The following GAP43 variants were observed in gnomAD, a reference collection of about 807,000 sequenced individuals.
GAP43 encodes growth associated protein 43.
Under a neutral mutation model 18.6 loss-of-function variants are expected in GAP43, and 6 were observed. The observed-to-expected ratio is 0.32, with a 90% CI of 0.18 to 0.64. GAP43 has a LOEUF of 0.64. Ranked by LOEUF, GAP43 falls within the 30% of genes least tolerant of loss-of-function variation. The pLI is 0.78. For missense variants in GAP43, 292 were observed against 295.5 expected, an observed-to-expected ratio of 0.99 and a Z score of 0.09; for synonymous variants, 115 against 111.4, an observed-to-expected ratio of 1.03 and a Z score of -0.20.
chr3:115,651,322 A>G (rs1361937995), intron 1 of GAP43, among the ~76,000 whole-genome samples: 1 of 152,156 alleles, frequency 6.6e-6, no homozygotes, highest in Non-Finnish European at 1.5e-5. Context: ...ACACACACAC[A>G]TCCATGCACA....
intron 1 of GAP43, among the ~76,000 whole-genome samples, chr3:115,624,570 A>T (rs2107461658): frequency 6.6e-6 from 1 of 152,222 alleles, no homozygotes; most frequent in East Asian, 1.9e-4. Flanking sequence ...CCTGGATAAT[A>T]AGTATGGTGA....
intron 1 of GAP43, among the ~76,000 whole-genome samples, chr3:115,657,438 A>G (rs575013602): frequency 1.3e-5 from 2 of 152,284 alleles, no homozygotes; most frequent in East Asian, 1.9e-4. Context: ...GGAGAAGACT[A>G]TCTTTCACTT....
chr3:115,716,969 T>C (rs1489265830), intron 2 of GAP43, among the ~76,000 whole-genome samples: 1 of 151,820 alleles, frequency 6.6e-6, no homozygotes, highest in African/African-American at 2.4e-5. Context: ...CAGTGCCGAA[T>C]TGCTAAAATG....
rs201553710 is a variant in GAP43 at position 115,676,040 on chromosome 3, A to T, written c.58A>T (p.Ile20Phe). 1.5e-5 allele frequency: 24 copies of T among 1,606,434 alleles called. No homozygotes were observed. In the African/African-American group the frequency reaches 3.1e-4, roughly 21 times the overall value. Residue 20 changes from isoleucine (I) to phenylalanine (F), a missense_variant, in exon 2 of 3, where the codon ATT (isoleucine) becomes TTT (phenylalanine). Transcript: ENST00000305124. ...QVEKNDDDQKIEQDGIKPEDK... is the reference protein window; with the variant it reads ...QVEKNDDDQKFEQDGIKPEDK... Reference sequence around the variant, plus strand: ...TGAAAAAAATGATGACGACCAAAAGATTGAACAAGATGGTATCAAACCAGA... The same window carrying T: ...TGAAAAAAATGATGACGACCAAAAGTTTGAACAAGATGGTATCAAACCAGA...
intron 1 of GAP43, among the ~76,000 whole-genome samples, chr3:115,654,654 A>G (rs1708559010): frequency 6.6e-6 from 1 of 152,188 alleles, no homozygotes; most frequent in African/African-American, 2.4e-5. Flanking sequence ...AATTACTCAA[A>G]TTGCTTGAGA....
chr3:115,669,719 G>T (rs1230175859), intron 1 of GAP43, among the ~76,000 whole-genome samples: 1 of 152,134 alleles, frequency 6.6e-6, no homozygotes, highest in African/African-American at 2.4e-5. Flanking sequence ...CAGGTGGGCT[G>T]TACATGTTGA....
At chr3:115,630,293 G>T (rs935693965) in intron 1 of GAP43, among the ~76,000 whole-genome samples, 3 of 152,058 alleles carry the variant, frequency 2.0e-5, no homozygotes, top group Non-Finnish European at 2.9e-5. Context: ...ACCTTCATTT[G>T]GATTTCTTTT....
chr3:115,638,021 A>G (rs542381516), intron 1 of GAP43, among the ~76,000 whole-genome samples: 6 of 152,170 alleles, frequency 3.9e-5, no homozygotes, highest in Admixed American at 2.6e-4. Context: ...AATAAACAAA[A>G]GAAAGAAATA....
intron 2 of GAP43, among the ~76,000 whole-genome samples, chr3:115,699,525 A>C (rs1215832107): frequency 6.6e-6 from 1 of 152,154 alleles, no homozygotes; most frequent in Non-Finnish European, 1.5e-5. Context: ...AGCTTCTATC[A>C]AACACCCCCT....
At chr3:115,654,987 A>G (rs1708562600) in intron 1 of GAP43, among the ~76,000 whole-genome samples, 1 of 152,224 alleles carries the variant, frequency 6.6e-6, no homozygotes, top group African/African-American at 2.4e-5. Flanking sequence ...ATGGTTTGGT[A>G]TATTTAAAAA....
intron 1 of GAP43, among the ~76,000 whole-genome samples, chr3:115,654,599 A>C (rs973337657): frequency 2.0e-5 from 3 of 152,240 alleles, no homozygotes; most frequent in Non-Finnish European, 4.4e-5. Flanking sequence ...GAATCCTGCC[A>C]AACGTTGGCT....
At chr3:115,641,161 G>A (rs1487880594) in intron 1 of GAP43, among the ~76,000 whole-genome samples, 1 of 149,992 alleles carries the variant, frequency 6.7e-6, no homozygotes, top group East Asian at 2.0e-4. Flanking sequence ...TACCACACCT[G>A]GCCCTGAAAT....
At chr3:115,716,513 T>C (rs1482892046) in intron 2 of GAP43, among the ~76,000 whole-genome samples, 4 of 151,698 alleles carry the variant, frequency 2.6e-5, no homozygotes, top group Non-Finnish European at 5.9e-5. Context: ...GAAGCTGTAA[T>C]AGATTGTTTC....
chr3:115,633,040 C>G (rs1334489568), intron 1 of GAP43, among the ~76,000 whole-genome samples: 2 of 151,650 alleles, frequency 1.3e-5, no homozygotes, highest in African/African-American at 4.8e-5. Context: ...AAGCAGCGAT[C>G]ATATGAAATT....
At chr3:115,713,040 C>T (rs2918209) in intron 2 of GAP43, among the ~76,000 whole-genome samples, 82,814 of 151,968 alleles carry the variant, frequency 0.54, 23,255 homozygotes, top group East Asian at 0.73. Context: ...GGTAATGAAA[C>T]GAGCAAAATG....
chr3:115,677,784 G>GGT (rs1708912267), intron 2 of GAP43, among the ~76,000 whole-genome samples: 1 of 152,246 alleles, frequency 6.6e-6, no homozygotes, highest in African/African-American at 2.4e-5. Context: ...CCATGAGAGT[G>GGT]GTCTGAGGAA....
chr3:115,700,467 T>A (rs1260196140), intron 2 of GAP43, among the ~76,000 whole-genome samples: 1 of 152,140 alleles, frequency 6.6e-6, no homozygotes, highest in Non-Finnish European at 1.5e-5. Flanking sequence ...AAGCCCTTTC[T>A]AGTCCCTTCT....
At chr3:115,679,043 C>T (rs950607770) in intron 2 of GAP43, among the ~76,000 whole-genome samples, 5 of 151,940 alleles carry the variant, frequency 3.3e-5, no homozygotes, top group Non-Finnish European at 5.9e-5. Context: ...TTTCCTCTGC[C>T]TTCCACTGTA....
Position 115,720,942 on chromosome 3 carries a change from A to G in GAP43, c.*60A>G. The G allele has an allele frequency of 1.7e-6, 2 of 1,166,774 alleles. No individual in the cohort carries two copies. Among genetic ancestry groups the G allele is most frequent in the Non-Finnish European group, 2.5e-6 (2 of 791,190 alleles). 72.3% of individuals were successfully genotyped at this position (1,166,774 alleles called of 1,614,324 possible). A position where few individuals can be genotyped will look rare whatever the true frequency, so the allele number is the denominator to read the frequency against. ...CCCTCTCCTGAGCCTGTCTCTCCCTACCCTCTTCTCAGCTCCACTCTGAAG... is the reference window on the plus strand; with the variant it reads ...CCCTCTCCTGAGCCTGTCTCTCCCTGCCCTCTTCTCAGCTCCACTCTGAAG... On this transcript the variant is annotated 3_prime_UTR_variant, in exon 3 of 3. Transcript: ENST00000305124.
Sources: gnomAD v4.1 joint callset for allele counts (sites outside exome capture counted in the v4.1 genomes callset) on GRCh38, gnomAD v4.1.1 for gene constraint, MANE v1.5 for transcripts, NCBI Gene and HGNC (gene_info 2026-07-23, HGNC 2026-07-21) for gene names.